Variants in OPCML observed in about 807,000 individuals in gnomAD.
The protein encoded by OPCML is opioid-binding protein/cell adhesion molecule.
In OPCML, 13 loss-of-function variants were observed where a neutral mutation model predicts 37.8. The observed-to-expected ratio is 0.34, with a 90% CI of 0.22 to 0.55. The LOEUF is 0.55. Among genes scored for constraint, OPCML ranks in the 20% least tolerant of loss-of-function variants. The pLI is 0.91. For synonymous variants in OPCML, 176 were observed against 168.8 expected (o/e 1.04, Z -0.33); for missense variants, 341 against 435.6 (o/e 0.78, Z 1.93).
At chr11:132,731,956 T>C (rs1237149723) in intron 2 of OPCML, among the ~76,000 whole-genome samples, 2 of 152,148 alleles carry the variant, frequency 1.3e-5, no homozygotes, top group African/African-American at 2.4e-5. Context: ...GATCATATTA[T>C]ATACCATACG....
chr11:132,923,977 G>A (rs958974420), intron 2 of OPCML, among the ~76,000 whole-genome samples: 1 of 151,594 alleles, frequency 6.6e-6, no homozygotes, highest in Admixed American at 6.6e-5. Flanking sequence ...TGGTCAGGCT[G>A]GTCTCAAACT....
chr11:132,804,033 G>T (rs1038829200), intron 2 of OPCML, among the ~76,000 whole-genome samples: 44 of 152,114 alleles, frequency 2.9e-4, no homozygotes, highest in African/African-American at 1.0e-3. Context: ...AACTGTATTG[G>T]AATAGACCTT....
rs186967551 is a variant in OPCML, at chr11:132,626,428, G to A, written c.379+30659C>T. 4.7e-4 allele frequency among the ~76,000 whole-genome samples: 71 copies of A among 152,072 alleles called. 1 individual carries two copies. Among genetic ancestry groups the A allele is most frequent in the Middle Eastern group, 3.4e-3 (1 of 294 alleles). On this transcript the variant is annotated intron_variant, in intron 3 of 7. Transcript: ENST00000524381. ...CTATGAGGAATAAATGCAAAGATAG[G>A]GAATTTGGAAACCACAGAAGGATTT...
Position 133,220,293 on chromosome 11 carries a change from G to T in OPCML, c.62-277283C>A, listed in dbSNP as rs541571587. On this transcript the variant is annotated intron_variant, in intron 1 of 7. Coordinates refer to ENST00000524381, the MANE Select transcript of OPCML (RefSeq NM_001012393.5). ...GAGAGGAAGAGCACAAAGAATGTCTGATTTTTGCAGAAACATTAGTCAGCA... is the reference window on the plus strand; with the variant it reads ...GAGAGGAAGAGCACAAAGAATGTCTTATTTTTGCAGAAACATTAGTCAGCA... 2.6e-5 allele frequency among the ~76,000 whole-genome samples: 4 copies of T among 152,280 alleles called. No homozygotes were observed. The South Asian group carries it at 8.3e-4, about 32-fold the overall frequency.
chr11:132,855,040 G>T (rs1021884792), intron 2 of OPCML, among the ~76,000 whole-genome samples: 2 of 152,200 alleles, frequency 1.3e-5, no homozygotes, highest in East Asian at 1.9e-4. Flanking sequence ...CTAATAAAAG[G>T]CTATGAGATT....
At chr11:132,435,297 C>G (rs1379032067) in intron 7 of OPCML, 2 of 1,270,136 alleles carry the variant, frequency 1.6e-6, no homozygotes, top group Non-Finnish European at 2.1e-6. Flanking sequence ...GTGCTGAAAG[C>G]TTGTGTCTGA....
chr11:132,917,990 G>C (rs1944662325), intron 2 of OPCML, among the ~76,000 whole-genome samples: 1 of 152,086 alleles, frequency 6.6e-6, no homozygotes, highest in Admixed American at 6.5e-5. Context: ...TGCTTGTGTG[G>C]AGTGGCCACT....
intron 1 of OPCML, among the ~76,000 whole-genome samples, chr11:133,292,486 C>T (rs1205013451): frequency 7.9e-5 from 12 of 152,140 alleles, no homozygotes; most frequent in Non-Finnish European, 5.9e-5. Flanking sequence ...TAAAGATATA[C>T]AGTTTGATAC....
At chr11:132,952,653 G>A (rs556803350) in intron 1 of OPCML, among the ~76,000 whole-genome samples, 104 of 152,220 alleles carry the variant, frequency 6.8e-4, no homozygotes, top group African/African-American at 2.5e-3. Flanking sequence ...CCAACATTGT[G>A]CGTGAATTAA....
chr11:132,505,464 A>C (rs893780054), intron 4 of OPCML, among the ~76,000 whole-genome samples: 1 of 152,010 alleles, frequency 6.6e-6, no homozygotes, highest in South Asian at 2.1e-4. Context: ...GCCACCTGAC[A>C]ACCTCCACAG....
At chr11:132,618,938 C>G (rs986038700) in intron 3 of OPCML, among the ~76,000 whole-genome samples, 2 of 145,656 alleles carry the variant, frequency 1.4e-5, no homozygotes, top group African/African-American at 2.5e-5. Context: ...TCATTGTACA[C>G]ACACAAGCAC....
chr11:133,331,238 G>C (rs1415722366), intron 1 of OPCML, among the ~76,000 whole-genome samples: 2 of 152,210 alleles, frequency 1.3e-5, no homozygotes, highest in Non-Finnish European at 2.9e-5. Flanking sequence ...CTGCTGGCCT[G>C]GTAAGCTGGT....
chr11:133,036,763 C>A (rs1947790891), intron 1 of OPCML, among the ~76,000 whole-genome samples: 2 of 152,366 alleles, frequency 1.3e-5, no homozygotes, highest in Admixed American at 1.3e-4. Context: ...GGACTACATT[C>A]TGCATTCAGA....
chr11:132,741,123 A>G (rs984740148), intron 2 of OPCML, among the ~76,000 whole-genome samples: 1 of 152,150 alleles, frequency 6.6e-6, no homozygotes, highest in African/African-American at 2.4e-5. Flanking sequence ...AGCCTCTGCT[A>G]TTTGAAACCC....
intron 4 of OPCML, among the ~76,000 whole-genome samples, chr11:132,514,612 G>A (rs2096275795): frequency 6.6e-6 from 1 of 152,126 alleles, no homozygotes; most frequent in East Asian, 1.9e-4. Flanking sequence ...AGAATCAGAG[G>A]TGCAGTAATA....
At chr11:133,411,206 G>A (rs76313407) in intron 1 of OPCML, among the ~76,000 whole-genome samples, 4,182 of 152,222 alleles carry the variant, frequency 0.027, 205 homozygotes, top group African/African-American at 0.095. Context: ...ATGAATAATG[G>A]GTGCCTCGGT....
At chr11:132,556,034 G>C (rs1052929601) in intron 3 of OPCML, among the ~76,000 whole-genome samples, 1 of 152,186 alleles carries the variant, frequency 6.6e-6, no homozygotes, top group South Asian at 2.1e-4. Context: ...GACCTCCTGG[G>C]CTCAAGTAAT....
chr11:132,818,898 G>A (rs938160892), intron 2 of OPCML, among the ~76,000 whole-genome samples: 9 of 148,762 alleles, frequency 6.0e-5, no homozygotes, highest in African/African-American at 2.2e-4. Flanking sequence ...TGCATGTTGT[G>A]CACATGTACC....
chr11:133,303,676 T>C (rs1331527302), intron 1 of OPCML, among the ~76,000 whole-genome samples: 1 of 152,094 alleles, frequency 6.6e-6, no homozygotes, highest in Admixed American at 6.6e-5. Flanking sequence ...TTACTGAGGG[T>C]ACGTTATTGA....
Sources: allele counts gnomAD v4.1 joint callset (sites outside exome capture counted in the v4.1 genomes callset), GRCh38; gene constraint gnomAD v4.1.1; transcripts MANE v1.5; gene names NCBI Gene and HGNC (gene_info 2026-07-23, HGNC 2026-07-21).